The following TULP4 variants were observed in gnomAD, a reference collection of about 807,000 sequenced individuals.
TULP4 encodes the protein TUB like protein 4, also known as tubby-related protein 4.
A neutral mutation model predicts 129.0 loss-of-function variants in TULP4; 16 were observed. The ratio of observed to expected loss-of-function variants is 0.12; its 90% CI spans 0.08 to 0.19. The LOEUF (loss-of-function observed/expected upper bound fraction) is 0.19. Ranked by LOEUF, TULP4 falls within the 10% of genes least tolerant of loss-of-function variation. TULP4 has a pLI of 1.00. For missense variants in TULP4, 1,842 were observed against 2,059.1 expected (o/e 0.89, Z 2.04); for synonymous variants, 998 against 854.0 (o/e 1.17, Z -2.94).
intron 1 of TULP4, among the ~76,000 whole-genome samples, chr6:158,325,845 T>C (rs1250253660): frequency 1.3e-5 from 2 of 152,176 alleles, no homozygotes; most frequent in Non-Finnish European, 2.9e-5. Context: ...GTTATACATA[T>C]TGGTAAATGC....
chr6:158,432,582 G>C (rs1778655905), intron 3 of TULP4, among the ~76,000 whole-genome samples: 1 of 152,178 alleles, frequency 6.6e-6, no homozygotes, highest in African/African-American at 2.4e-5. Context: ...GCAGTGCATG[G>C]CTGGGCACGG....
rs1027564445 is a variant in TULP4, at chr6:158,433,194, G to A, written c.543+3297G>A. Reference sequence around the variant, plus strand: ...TGAGGTCAGTGTGGCCACCTTACACGCTGTCCCCACACTCTAGATTTGTCT... The same window carrying A: ...TGAGGTCAGTGTGGCCACCTTACACACTGTCCCCACACTCTAGATTTGTCT... On this transcript the variant is annotated intron_variant, in intron 3 of 13. Coordinates refer to ENST00000367097, the MANE Select transcript of TULP4 (RefSeq NM_020245.5). 2.2e-4 allele frequency among the ~76,000 whole-genome samples: 33 copies of A among 152,182 alleles called. No homozygotes were observed. The East Asian group carries it at 2.3e-3, about 11-fold the overall frequency.
intron 6 of TULP4, among the ~76,000 whole-genome samples, chr6:158,464,329 A>G (rs1245226249): frequency 1.3e-5 from 2 of 150,988 alleles, no homozygotes; most frequent in African/African-American, 5.0e-5. Context: ...CAGGCCATAC[A>G]CATGTCACAG....
intron 1 of TULP4, among the ~76,000 whole-genome samples, chr6:158,283,823 C>G (rs987048234): frequency 1.4e-4 from 21 of 152,160 alleles, no homozygotes; most frequent in African/African-American, 1.9e-4. Flanking sequence ...TTCAGCCTCT[C>G]TCTTGTATTG....
intron 1 of TULP4, chr6:158,242,936 C>T (rs537426937): frequency 5.2e-5 from 9 of 174,580 alleles, no homozygotes; most frequent in Admixed American, 1.8e-4. Context: ...CAGGTGCCCA[C>T]CACAACACCC....
chr6:158,342,947 A>ATG (rs5881254), intron 1 of TULP4, among the ~76,000 whole-genome samples: 3,561 of 147,568 alleles, frequency 0.024, 54 homozygotes, highest in African/African-American at 0.032. Flanking sequence ...TTAAAAATAA[A>ATG]TGTGTGTGTG....
chr6:158,344,572 T>G (rs1044839256), intron 1 of TULP4, among the ~76,000 whole-genome samples: 2 of 152,236 alleles, frequency 1.3e-5, no homozygotes, highest in African/African-American at 2.4e-5. Context: ...GTTACTGTTG[T>G]AATTGTTTCA....
chr6:158,348,155 C>CT lies in TULP4; in HGVS notation c.252+33901dup, dbSNP rs66811333. Among the ~76,000 whole-genome samples the CT allele has an allele frequency of 4.3e-3, 527 of 121,644 alleles. 7 individuals are homozygous for CT. The highest frequency in any genetic ancestry group is 0.016 in the African/African-American group (499 of 30,822). 79.8% of individuals were successfully genotyped at this position (121,644 alleles called of 152,430 possible). A position where few individuals can be genotyped will look rare whatever the true frequency, so the allele number is the denominator to read the frequency against. On this transcript the variant is annotated intron_variant, in intron 1 of 13. Coordinates refer to ENST00000367097, the MANE Select transcript of TULP4 (RefSeq NM_020245.5). ...CCTGTGCATTATTTTATGTTTTGGT[C>CT]TTTTTTTTTTTTTTAAGGTTTTTTT... is the stretch of plus-strand genomic sequence containing the variant.
chr6:158,331,232 G>A (rs1261337178), intron 1 of TULP4, among the ~76,000 whole-genome samples: 2 of 152,104 alleles, frequency 1.3e-5, no homozygotes, highest in Non-Finnish European at 2.9e-5. Flanking sequence ...TATGATGGTT[G>A]CAAAAACGGT....
chr6:158,454,550 T>C (rs2030366571), intron 5 of TULP4, among the ~76,000 whole-genome samples: 2 of 152,026 alleles, frequency 1.3e-5, no homozygotes, highest in African/African-American at 4.8e-5. Flanking sequence ...ACCCTGCTTA[T>C]GGAAACTTTA....
intron 1 of TULP4, among the ~76,000 whole-genome samples, chr6:158,288,771 A>C (rs1431744531): frequency 1.3e-5 from 2 of 152,214 alleles, no homozygotes; most frequent in Admixed American, 1.3e-4. Context: ...AAGTGCTGGG[A>C]TTACAGGCGT....
At chr6:158,288,547 C>T (rs67084088) in intron 1 of TULP4, among the ~76,000 whole-genome samples, 2,605 of 152,012 alleles carry the variant, frequency 0.017, 24 homozygotes, top group Non-Finnish European at 0.024. Flanking sequence ...GTCGCCCAGG[C>T]CGGAGTGCAG....
intron 8 of TULP4, among the ~76,000 whole-genome samples, chr6:158,485,264 A>G (rs1308169868): frequency 1.3e-5 from 2 of 152,260 alleles, no homozygotes; most frequent in Non-Finnish European, 2.9e-5. Flanking sequence ...CAAAAGGAGA[A>G]AGATGAATGG....
intron 3 of TULP4, among the ~76,000 whole-genome samples, chr6:158,441,953 C>T (rs769620985): frequency 6.6e-6 from 1 of 152,190 alleles, no homozygotes; most frequent in Non-Finnish European, 1.5e-5. Context: ...TTGTTAAGCT[C>T]CAGTTAGTAA....
intron 1 of TULP4, among the ~76,000 whole-genome samples, chr6:158,268,509 A>G (rs1778491390): frequency 6.6e-6 from 1 of 152,198 alleles, no homozygotes. Flanking sequence ...TGTTGCTCAC[A>G]ATCCTGGGAG....
intron 1 of TULP4, among the ~76,000 whole-genome samples, chr6:158,268,307 G>A (rs1778487927): frequency 6.6e-6 from 1 of 151,994 alleles, no homozygotes; most frequent in South Asian, 2.1e-4. Context: ...CCAGAGTGCT[G>A]GAATTACAGG....
At chr6:158,257,765 T>C (rs2128455920) in intron 1 of TULP4, among the ~76,000 whole-genome samples, 1 of 152,324 alleles carries the variant, frequency 6.6e-6, no homozygotes. Context: ...TCCTGAAAAC[T>C]TTACTTTGTC....
chr6:158,399,549 A>G (rs1001594309), intron 1 of TULP4, among the ~76,000 whole-genome samples: 1 of 152,198 alleles, frequency 6.6e-6, no homozygotes, highest in Non-Finnish European at 1.5e-5. Flanking sequence ...AGTGAAGTGT[A>G]CTTACTGGTG....
At chr6:158,349,063 C>A (rs1452483584) in intron 1 of TULP4, among the ~76,000 whole-genome samples, 13 of 58,078 alleles carry the variant, frequency 2.2e-4, no homozygotes, top group Non-Finnish European at 4.6e-4. Flanking sequence ...CCAGACGGGG[C>A]GGCCAGGCAG....
Sources: allele counts gnomAD v4.1 joint callset (sites outside exome capture counted in the v4.1 genomes callset), GRCh38; gene constraint gnomAD v4.1.1; transcripts MANE v1.5; gene names NCBI Gene and HGNC (gene_info 2026-07-23, HGNC 2026-07-21).